MUC6: variants seen among roughly 807,000 people sequenced by gnomAD.
The protein encoded by MUC6 is mucin-6.
MUC6 carries 188 observed loss-of-function variants against 201.5 expected under a neutral mutation model. That is an observed-to-expected ratio of 0.93 (90% CI 0.83 to 1.05). The LOEUF (loss-of-function observed/expected upper bound fraction) is 1.05, where lower values mean the gene tolerates loss of function less well. Among genes scored for constraint, MUC6 ranks in the 50% least tolerant of loss-of-function variants. The pLI is 0.00. For missense variants in MUC6, 2,706 were observed against 3,256.9 expected (o/e 0.83, Z 4.12); for synonymous variants, 1,228 against 1,389.4 (o/e 0.88, Z 2.58).
At position 1,033,030 on chromosome 11, in the gene MUC6, T is replaced by A. The variant is rs367707813; in HGVS notation, c.98A>T (p.Lys33Met). Reference sequence around the variant, plus strand: ...GTTCTTACCTGTCTGTGGAGAGTCCTTCAGCCTCTGGAGGCCTGGGCTGGT... The same window carrying A: ...GTTCTTACCTGTCTGTGGAGAGTCCATCAGCCTCTGGAGGCCTGGGCTGGT... ...SYTSPGLQRL[K>M]DSPQTAPDKG... The change falls in exon 2 of 33, where the codon AAG becomes ATG. Residue 33 changes from lysine (K) to methionine (M), a missense_variant. Lys to Met is a moderately conservative substitution (Grantham distance 95). Transcript: ENST00000421673. This position sits in a 1 kb window ranked among gnomAD's most constrained non-coding sequence, Gnocchi z 5.6. The A allele has an allele frequency of 1.2e-6, 2 of 1,605,926 alleles. No individual in the cohort carries two copies.
chr11:1,014,145 G>T, intron 31 of MUC6, 144 bp from the exon 32 acceptor site: 1 of 684,874 alleles, frequency 1.5e-6, no homozygotes, highest in Non-Finnish European at 2.5e-6. Context: ...GCCCCACAGA[G>T]CTCAGACCTC....
chr11:1,013,729 C>G, intron 32 of MUC6, 96 bp from the exon 33 acceptor site: 1 of 1,433,778 alleles, frequency 7.0e-7, no homozygotes, highest in Non-Finnish European at 9.5e-7. Flanking sequence ...GCCTGGACCT[C>G]CCCGCTGAGC....
chr11:1,028,060 CTG>C lies in MUC6; in HGVS notation c.1754-3_1754-2del. 4 of 1,569,106 alleles carry C rather than the reference CTG, an allele frequency of 2.5e-6. No individual in the cohort carries two copies. Among genetic ancestry groups the C allele is most frequent in the Non-Finnish European group, 3.5e-6 (4 of 1,157,486 alleles). On this transcript the variant is annotated splice_acceptor_variant and splice_polypyrimidine_tract_variant and intron_variant, in intron 14 of 32. Transcript: ENST00000421673. LOFTEE classifies it high-confidence loss of function. ...GAGCAGTGGGTCTCTGCACACACCT[CTG>C]GGGATGACAGGCCCGGGCGTGAGTC... is the stretch of plus-strand genomic sequence containing the variant.
intron 8 of MUC6, among the ~76,000 whole-genome samples, chr11:1,029,874 C>T (rs1027760058): frequency 2.0e-5 from 3 of 152,222 alleles, no homozygotes; most frequent in Non-Finnish European, 4.4e-5. Context: ...CCAATGTGCC[C>T]GGCCCAGGTT....
intron 16 of MUC6, 67 bp downstream of exon 16, chr11:1,027,618 G>C: frequency 6.3e-7 from 1 of 1,581,840 alleles, no homozygotes; most frequent in Non-Finnish European, 8.6e-7. Flanking sequence ...CAGAGCTTGG[G>C]GTCCCAGGAC....
chr11:1,022,597 G>A (rs1381657611), intron 26 of MUC6, among the ~76,000 whole-genome samples: 1 of 152,150 alleles, frequency 6.6e-6, no homozygotes, highest in Non-Finnish European at 1.5e-5. Flanking sequence ...TGGGCGCCTC[G>A]GCCGACACTG....
rs1176714634 is a variant in MUC6, at chr11:1,013,303, C to CG, written c.*152dup. 1.4e-6 allele frequency: 1 copy of CG among 729,304 alleles called. No individual in the cohort carries two copies. Among genetic ancestry groups the CG allele is most frequent in the Non-Finnish European group, 2.2e-6 (1 of 456,124 alleles). The allele number at this position is 729,304 out of a possible 1,614,324, so 45.2% of individuals were successfully genotyped here. On this transcript the variant is annotated 3_prime_UTR_variant, in exon 33 of 33. Coordinates refer to ENST00000421673, the MANE Select transcript of MUC6 (RefSeq NM_005961.3). ...CCCTGCTTGGCAGCCCCTCTCCAAC[C>CG]GGTGCCCCAGGGAGCCACGGCCCAG...
At chr11:1,026,197 G>A in intron 20 of MUC6, 56 bp from the exon 21 acceptor site, 1 of 1,554,228 alleles carries the variant, frequency 6.4e-7, no homozygotes, top group Non-Finnish European at 8.7e-7. Context: ...CATACTGGGT[G>A]TGGTCCCTGG....
chr11:1,033,300 C>G lies in MUC6; in HGVS notation c.53-225G>C, dbSNP rs528952788. On this transcript the variant is annotated intron_variant, in intron 1 of 32. Transcript: ENST00000421673. The surrounding 1 kb of genome is among the most constrained non-coding windows in gnomAD (Gnocchi z 5.6). ...CCTTCCCTGCTCTCGTTCACTCCCT[C>G]GTTTGTCCACTCAGTCCCAGTTCAG... The G allele has an allele frequency of 8.6e-6, 5 of 582,618 alleles. No individual in the cohort carries two copies. In the African/African-American group the frequency reaches 9.3e-5, roughly 11 times the overall value. 36.1% of individuals were successfully genotyped at this position (582,618 alleles called of 1,614,324 possible).
intron 28 of MUC6, 75 bp from the exon 29 acceptor site, chr11:1,020,332 T>G: frequency 6.6e-7 from 1 of 1,519,204 alleles, no homozygotes; most frequent in South Asian, 1.3e-5. Flanking sequence ...CTCTGCCTGC[T>G]TGGCCCTGAA....
In MUC6 at chr11:1,020,190, G is replaced by C. The variant is rs771265255; in HGVS notation, c.3708C>G (p.Thr1236=). The change falls in exon 29 of 33, where the codon ACC becomes ACG. Residue 1236 remains threonine, a synonymous_variant. Transcript: ENST00000421673. ...TSTTIGLLSS[T]GPSPSSNHTP... is the part of the protein sequence containing the mutation. ...TGTGATTAGAGCTGGGTGAGGGTCC[G>C]GTGGAGCTGAGAAGCCCGATGGTGG... 6.2e-7 allele frequency: 1 copy of C among 1,612,258 alleles called. No individual in the cohort carries two copies. Among genetic ancestry groups the C allele is most frequent in the Admixed American group, 1.7e-5 (1 of 59,952 alleles).
At chr11:1,030,532 C>T in intron 7 of MUC6, 41 bp downstream of exon 7, 1 of 1,466,550 alleles carries the variant, frequency 6.8e-7, no homozygotes, top group Non-Finnish European at 9.0e-7. Context: ...GTCTGGAGCC[C>T]TCGGCCTTCC....
Position 1,016,107 on chromosome 11 carries a change from T to A in MUC6, c.6694A>T (p.Thr2232Ser), listed in dbSNP as rs1172133233. Residue 2232 changes from threonine (T) to serine (S), a missense_variant, in exon 31 of 33, where the codon ACC becomes TCC. By Grantham distance (58) the Thr-to-Ser change is moderately conservative. Coordinates refer to ENST00000421673, the MANE Select transcript of MUC6 (RefSeq NM_005961.3). ...TGGCTGGATGGGGTGGGAGACACGG[T>A]AACAGTGGATATGGGGAGTAGAGCA... is the stretch of plus-strand genomic sequence containing the variant. ...LSALLPISTV[T>S]VSPTPSSHLA... 1 of 1,612,844 alleles carries A rather than the reference T, an allele frequency of 6.2e-7. No individual in the cohort carries two copies. Among genetic ancestry groups the A allele is most frequent in the Admixed American group, 1.7e-5 (1 of 59,936 alleles).
intron 26 of MUC6, among the ~76,000 whole-genome samples, chr11:1,022,690 C>A (rs1856843541): frequency 6.6e-6 from 1 of 152,262 alleles, no homozygotes; most frequent in African/African-American, 2.4e-5. Context: ...AGGCCAGGTC[C>A]CCTGACCTGG....
At chr11:1,019,181 C>A (rs776286371) in intron 30 of MUC6, 94 bp downstream of exon 30, 3 of 1,378,030 alleles carry the variant, frequency 2.2e-6, no homozygotes, top group Middle Eastern at 1.8e-4. Flanking sequence ...CTGGGAAATA[C>A]GGGGTCTTCT....
chr11:1,025,177 G>C lies in MUC6; in HGVS notation c.2985+5C>G. ...GCCTGGGAGGAGGCAGAGGGCGTGC[G>C]GTACCTGGGAGGCACGGGCGATCCT... On this transcript the variant is annotated splice_donor_5th_base_variant and intron_variant, in intron 23 of 32. Transcript: ENST00000421673. The C allele has an allele frequency of 6.2e-7, 1 of 1,610,660 alleles. No homozygotes were observed. The highest frequency in any genetic ancestry group is 8.5e-7 in the Non-Finnish European group (1 of 1,178,026).
Position 1,015,922 on chromosome 11 carries a change from C to A in MUC6, c.6879G>T (p.Thr2293=). Residue 2293 remains threonine (T), a synonymous_variant, in exon 31 of 33, where the codon ACG becomes ACT. Coordinates refer to ENST00000421673, the MANE Select transcript of MUC6 (RefSeq NM_005961.3). ...TGGTGACTGGAGAGGTGGGGATACC[C>A]GTCACCCCCGAGGTGAGTGACACAA... ...SGFVSLTSGV[T]GIPTSPVTNL... is the part of the protein sequence containing the mutation. The A allele has an allele frequency of 6.2e-7, 1 of 1,601,574 alleles. No homozygotes were observed. Among genetic ancestry groups the A allele is most frequent in the Non-Finnish European group, 8.5e-7 (1 of 1,173,044 alleles).
rs755099454 is a variant in MUC6, at chr11:1,027,248, G to A, written c.2231+20C>T. On this transcript the variant is annotated intron_variant, in intron 17 of 32. Transcript: ENST00000421673. ...GGACCTGGCAGGGACCCCCCGCCTG[G>A]CCCCTGCCCGGTCCCTCACCAGGTG... is the stretch of plus-strand genomic sequence containing the variant. 5 of 1,611,848 alleles carry A rather than the reference G, an allele frequency of 3.1e-6. No homozygotes were observed. Among genetic ancestry groups the A allele is most frequent in the Non-Finnish European group, 3.4e-6 (4 of 1,179,702 alleles).
At chr11:1,034,915 T>C (rs181179973) in intron 1 of MUC6, among the ~76,000 whole-genome samples, 4 of 152,310 alleles carry the variant, frequency 2.6e-5, no homozygotes, top group African/African-American at 9.6e-5. Flanking sequence ...CCTCCAGCTC[T>C]GAAGTCCAGC....
Sources: gnomAD v4.1 joint callset for allele counts (sites outside exome capture counted in the v4.1 genomes callset) on GRCh38, gnomAD v4.1.1 for gene constraint, Gnocchi (gnomAD v3.1) non-coding constraint, MANE v1.5 for transcripts, NCBI Gene and HGNC (gene_info 2026-07-23, HGNC 2026-07-21) for gene names.